The following DECR2 variants were observed in gnomAD, a reference collection of about 807,000 sequenced individuals.
The protein encoded by DECR2 is 2,4-dienoyl-CoA reductase 2, also known as peroxisomal 2,4-dienoyl-CoA reductase [(3E)-enoyl-CoA-producing].
A neutral mutation model predicts 29.2 loss-of-function variants in DECR2; 34 were observed. The ratio of observed to expected loss-of-function variants is 1.16; its 90% CI spans 0.89 to 1.55. DECR2 has a LOEUF of 1.55. Among genes scored for constraint, DECR2 ranks in the 40% most tolerant of loss-of-function variants. DECR2 has a pLI of 0.00. For missense variants in DECR2, 485 were observed against 425.3 expected, an observed-to-expected ratio of 1.14 and a Z score of -1.23; for synonymous variants, 224 against 182.7, an observed-to-expected ratio of 1.23 and a Z score of -1.82.
chr16:405,038 G>A lies in DECR2; in HGVS notation c.149+14G>A, dbSNP rs1468772703. 6.2e-7 allele frequency: 1 copy of A among 1,613,964 alleles called. No individual in the cohort carries two copies. Among genetic ancestry groups the A allele is most frequent in the South Asian group, 1.1e-5 (1 of 91,072 alleles). On this transcript the variant is annotated intron_variant, in intron 2 of 8. Coordinates refer to ENST00000219481, the MANE Select transcript of DECR2 (RefSeq NM_020664.4). The stretch of plus-strand genomic sequence containing the variant: ...GATTTTCATGCGGTGAGACTGCTCT[G>A]TGTCCCTTCCCTGCTCCTCGCTTCT...
At chr16:405,574 A>C in intron 2 of DECR2, 1 of 1,304,376 alleles carries the variant, frequency 7.7e-7, no homozygotes, top group Non-Finnish European at 1.0e-6. Context: ...AGGGGTAGCT[A>C]CCTTTATGGT....
rs909576111 is a variant in DECR2, at chr16:410,878, C to T, written c.556+94C>T. The stretch of plus-strand genomic sequence containing the variant: ...GGAGGCCAGCAGTCTCCACTTGAAG[C>T]TGAGCCCAGCTGCAGGCAGCGAGAC... On this transcript the variant is annotated intron_variant, in intron 6 of 8. Coordinates refer to ENST00000219481, the MANE Select transcript of DECR2 (RefSeq NM_020664.4). This position sits in a 1 kb window ranked among gnomAD's most constrained non-coding sequence, Gnocchi z 4.1. 3 of 1,525,598 alleles carry T rather than the reference C, an allele frequency of 2.0e-6. No individual in the cohort carries two copies. The highest frequency in any genetic ancestry group is 2.7e-6 in the Non-Finnish European group (3 of 1,128,320). 94.5% of individuals were successfully genotyped at this position (1,525,598 alleles called of 1,614,324 possible). A position where few individuals can be genotyped will look rare whatever the true frequency, so the allele number is the denominator to read the frequency against.
At chr16:404,534 C>G (rs1243120071) in intron 1 of DECR2, among the ~76,000 whole-genome samples, 1 of 152,086 alleles carries the variant, frequency 6.6e-6, no homozygotes, top group Admixed American at 6.6e-5. Context: ...GCCAAGGCAC[C>G]TGGCCGAATT....
At chr16:403,254 A>G (rs1422430838) in intron 1 of DECR2, among the ~76,000 whole-genome samples, 1 of 152,082 alleles carries the variant, frequency 6.6e-6, no homozygotes, top group Non-Finnish European at 1.5e-5. Flanking sequence ...TCCTGACCTC[A>G]GATGATCCAC....
chr16:411,697 C>T (rs4984667), intron 8 of DECR2, 119 bp downstream of exon 8: 448,097 of 1,112,264 alleles, frequency 0.4, 90,738 homozygotes, highest in South Asian at 0.49. Flanking sequence ...CCTCCCGGCC[C>T]CTGCGCCAGC....
intron 8 of DECR2, 94 bp from the exon 9 acceptor site, chr16:411,796 G>C (rs938671559): frequency 2.0e-6 from 1 of 510,130 alleles, no homozygotes; most frequent in Non-Finnish European, 3.4e-6. Flanking sequence ...GGCCTCTGCC[G>C]GCATTTCTGG....
chr16:402,431 G>A (rs1320054909), intron 1 of DECR2, among the ~76,000 whole-genome samples: 4 of 151,984 alleles, frequency 2.6e-5, no homozygotes, highest in Admixed American at 1.3e-4. Context: ...CACCGCGCCC[G>A]GCCCAACCTG....
Position 411,586 on chromosome 16 carries a change from ACTGCT to A in DECR2, c.*10_*14del. ...TTCTCTGCTAAGCTCTAGGTGAGGT[ACTGCT>A]CCCGCTTCTTGGGGTCATCTGTGTC... On this transcript the variant is annotated intron_variant, in intron 8 of 8. Coordinates refer to ENST00000219481, the MANE Select transcript of DECR2 (RefSeq NM_020664.4). 6.2e-7 allele frequency: 1 copy of A among 1,604,380 alleles called. No individual in the cohort carries two copies. The highest frequency in any genetic ancestry group is 8.5e-7 in the Non-Finnish European group (1 of 1,173,812).
Position 410,762 on chromosome 16 carries a change from A to G in DECR2, c.534A>G (p.Ala178=). The change falls in exon 6 of 9, where the codon GCA becomes GCG. Residue 178 remains alanine, a synonymous_variant. Coordinates refer to ENST00000219481, the MANE Select transcript of DECR2 (RefSeq NM_020664.4). The surrounding 1 kb of genome is among the most constrained non-coding windows in gnomAD (Gnocchi z 4.1). ...GNRGQALQVH[A]GSAKAAVDAM... is the part of the protein sequence containing the mutation. ...GGGGGCAGGCGCTCCAGGTGCATGC[A>G]GGCTCCGCCAAGGCCGCTGTGGGTA... is the stretch of plus-strand genomic sequence containing the variant. 2 of 1,603,090 alleles carry G rather than the reference A, an allele frequency of 1.2e-6. No homozygotes were observed. The highest frequency in any genetic ancestry group is 2.2e-5 in the South Asian group (2 of 89,346).
Position 410,246 on chromosome 16 carries a change from C to T in DECR2, c.341C>T (p.Ala114Val), listed in dbSNP as rs141151070. The T allele has an allele frequency of 2.2e-4, 354 of 1,612,690 alleles. 1 individual carries two copies. Among genetic ancestry groups the T allele is most frequent in the Middle Eastern group, 2.0e-3 (12 of 5,928 alleles). ...CCTGCGGTCTCCCATTCTGCAGGTG[C>T]GGCCGGGAACTTCCTGTGCCCCGCT... ...FGRIDILINCAAGNFLCPAGA... is the reference protein window; with the variant it reads ...FGRIDILINCVAGNFLCPAGA... Residue 114 changes from alanine (A) to valine (V), a missense_variant, in exon 5 of 9, where the codon GCG becomes GTG. By Grantham distance (64) the Ala-to-Val change is moderately conservative. Transcript: ENST00000219481. This position sits in a 1 kb window ranked among gnomAD's most constrained non-coding sequence, Gnocchi z 4.1.
At chr16:406,271 T>C (rs1597199569) in intron 2 of DECR2, 75 bp from the exon 3 acceptor site, 1 of 1,492,430 alleles carries the variant, frequency 6.7e-7, no homozygotes, top group Non-Finnish European at 9.1e-7. Flanking sequence ...GAGAGACTCC[T>C]GCTCAGGAGC....
At chr16:405,961 A>AGGGGAGC (rs2054719229) in intron 2 of DECR2, among the ~76,000 whole-genome samples, 1 of 152,228 alleles carries the variant, frequency 6.6e-6, no homozygotes, top group Admixed American at 6.5e-5. Flanking sequence ...GTGGTCAGGA[A>AGGGGAGC]GGGGAGCAGG....
At chr16:407,338 G>A (rs548675988) in intron 3 of DECR2, 87 bp from the exon 4 acceptor site, 42 of 1,493,842 alleles carry the variant, frequency 2.8e-5, no homozygotes, top group African/African-American at 2.6e-4. Context: ...CGAGGAACCC[G>A]GAAGCATCGT....
Position 407,380 on chromosome 16 carries a change from GC to G in DECR2, c.202-43del. 3 of 1,565,178 alleles carry G rather than the reference GC, an allele frequency of 1.9e-6. No individual in the cohort carries two copies. In the African/African-American group the frequency reaches 4.1e-5, roughly 21 times the overall value. ...CAGATTCCAAAGGCCTTTTCTCCAG[GC>G]CGAGGCTGCAGGGCTGCTGTCTGCC... is the stretch of plus-strand genomic sequence containing the variant. On this transcript the variant is annotated intron_variant, in intron 3 of 8. Coordinates refer to ENST00000219481, the MANE Select transcript of DECR2 (RefSeq NM_020664.4).
chr16:403,439 AG>A (rs1215980591), intron 1 of DECR2, among the ~76,000 whole-genome samples: 6 of 152,250 alleles, frequency 3.9e-5, no homozygotes, highest in African/African-American at 1.4e-4. Flanking sequence ...AATGCGTACA[AG>A]AAAATCTCTA....
At chr16:405,742 C>G in intron 2 of DECR2, 1 of 513,630 alleles carries the variant, frequency 1.9e-6, no homozygotes, top group Non-Finnish European at 3.6e-6. Context: ...TGCTGTTACC[C>G]CCAGGCCCAG....
chr16:410,072 G>T lies in DECR2; in HGVS notation c.338-171G>T. On this transcript the variant is annotated intron_variant, in intron 4 of 8. Transcript: ENST00000219481. The surrounding 1 kb of genome is among the most constrained non-coding windows in gnomAD (Gnocchi z 4.1). ...CTCGGGGACACAGTGCAGCCAGGAC[G>T]CCCGTCTTGCTCTGGTCATTTTGGA... 1.1e-6 allele frequency: 1 copy of T among 896,348 alleles called. No homozygotes were observed. Among genetic ancestry groups the T allele is most frequent in the Non-Finnish European group, 1.6e-6 (1 of 611,130 alleles). 55.5% of individuals were successfully genotyped at this position (896,348 alleles called of 1,614,324 possible). A position where few individuals can be genotyped will look rare whatever the true frequency, so the allele number is the denominator to read the frequency against.
At chr16:408,207 G>A (rs1430772764) in intron 4 of DECR2, among the ~76,000 whole-genome samples, 8 of 135,202 alleles carry the variant, frequency 5.9e-5, no homozygotes, top group Admixed American at 2.2e-4. Flanking sequence ...CCCTGTCTCC[G>A]GCCCCCTGTC....
Position 405,010 on chromosome 16 carries a change from T to C in DECR2, c.135T>C (p.Ala45=). 6.2e-7 allele frequency: 1 copy of C among 1,612,886 alleles called. No individual in the cohort carries two copies. The highest frequency in any genetic ancestry group is 8.5e-7 in the Non-Finnish European group (1 of 1,178,900). The change falls in exon 2 of 9, where the codon GCT becomes GCC. Residue 45 remains alanine, a synonymous_variant. Transcript: ENST00000219481. ...GGGSGIGFRI[A]EIFMRHGCHT... is the part of the protein sequence containing the mutation. Reference sequence around the variant, plus strand: ...GCTCTGGGATTGGGTTCCGGATTGCTGAGATTTTCATGCGGTGAGACTGCT... The same window carrying C: ...GCTCTGGGATTGGGTTCCGGATTGCCGAGATTTTCATGCGGTGAGACTGCT...
Sources: allele counts gnomAD v4.1 joint callset (sites outside exome capture counted in the v4.1 genomes callset), GRCh38; gene constraint gnomAD v4.1.1; non-coding constraint Gnocchi (gnomAD v3.1); transcripts MANE v1.5; gene names NCBI Gene and HGNC (gene_info 2026-07-23, HGNC 2026-07-21).